TBXAS1: variants seen among roughly 807,000 people sequenced by gnomAD.
TBXAS1 encodes thromboxane-A synthase.
TBXAS1 carries 48 observed loss-of-function variants against 60.7 expected under a neutral mutation model. That is an observed-to-expected ratio of 0.79 (90% CI 0.63 to 1.01). The LOEUF is 1.01. Among genes scored for constraint, TBXAS1 ranks in the 50% least tolerant of loss-of-function variants. TBXAS1 has a pLI of 0.00. For synonymous variants in TBXAS1, 287 were observed against 269.7 expected (o/e 1.06, Z -0.63); for missense variants, 685 against 686.3 (o/e 1.00, Z 0.02).
intron 1 of TBXAS1, among the ~76,000 whole-genome samples, chr7:139,840,668 A>G (rs10271046): frequency 0.063 from 9,525 of 152,180 alleles, 990 homozygotes; most frequent in African/African-American, 0.22. Context: ...AAGACATTCA[A>G]ATTGCCCCTT....
At chr7:140,008,447 C>CTTTTTTTTTTT in intron 10 of TBXAS1, among the ~76,000 whole-genome samples, 1 of 126,058 alleles carries the variant, frequency 7.9e-6, no homozygotes, top group Non-Finnish European at 1.6e-5. Context: ...TTCTTTTATT[C>CTTTTTTTTTTT]TTTTTTTTTT....
chr7:139,789,760 A>G (rs1332855597), intron 4 of TBXAS1: 1 of 151,800 alleles, frequency 6.6e-6, no homozygotes, highest in Non-Finnish European at 1.5e-5. Flanking sequence ...CCTCCCGAGT[A>G]GCTGGGATCA....
intron 10 of TBXAS1, among the ~76,000 whole-genome samples, chr7:140,010,838 T>C (rs1814549626): frequency 6.6e-6 from 1 of 152,236 alleles, no homozygotes; most frequent in African/African-American, 2.4e-5. Context: ...CAGTAATTAC[T>C]GTAATCATTG....
chr7:139,951,328 C>A (rs73158676), intron 5 of TBXAS1, among the ~76,000 whole-genome samples: 3,229 of 151,950 alleles, frequency 0.021, 73 homozygotes, highest in African/African-American at 0.054. Flanking sequence ...GGAAGTGATT[C>A]ATTTACCATA....
chr7:139,978,402 C>T (rs1386691367), intron 9 of TBXAS1, among the ~76,000 whole-genome samples: 4 of 151,244 alleles, frequency 2.6e-5, no homozygotes, highest in Admixed American at 1.3e-4. Context: ...TCCAGCTACT[C>T]GGGAGGCTGA....
At chr7:139,930,219 C>A (rs1807206623) in intron 4 of TBXAS1, among the ~76,000 whole-genome samples, 1 of 152,206 alleles carries the variant, frequency 6.6e-6, no homozygotes, top group African/African-American at 2.4e-5. Flanking sequence ...TAATAACACA[C>A]CTCGCCCCAT....
intron 9 of TBXAS1, among the ~76,000 whole-genome samples, chr7:139,977,436 C>T (rs574478711): frequency 4.6e-5 from 7 of 152,226 alleles, no homozygotes; most frequent in African/African-American, 1.7e-4. Context: ...ATTCAATTAC[C>T]GCCCACCAGT....
intron 5 of TBXAS1, among the ~76,000 whole-genome samples, chr7:139,943,906 C>G (rs1808488390): frequency 6.6e-6 from 1 of 152,076 alleles, no homozygotes; most frequent in South Asian, 2.1e-4. Flanking sequence ...CGTTTAAATA[C>G]CTTCCCCCAC....
chr7:139,781,695 C>A (rs891472498), intron 2 of TBXAS1, among the ~76,000 whole-genome samples: 1 of 151,826 alleles, frequency 6.6e-6, no homozygotes, highest in African/African-American at 2.4e-5. Flanking sequence ...ATTAGCCAGA[C>A]GTGGCGGTGG....
chr7:139,787,082 G>A (rs548317025), intron 3 of TBXAS1, among the ~76,000 whole-genome samples: 8 of 152,172 alleles, frequency 5.3e-5, no homozygotes, highest in Non-Finnish European at 1.2e-4. Flanking sequence ...ATTTCCTTAT[G>A]TGTTTTATCA....
intron 2 of TBXAS1, among the ~76,000 whole-genome samples, chr7:139,875,108 A>AAAC (rs899589405): frequency 6.6e-6 from 1 of 152,224 alleles, no homozygotes; most frequent in East Asian, 1.9e-4. Context: ...AAAACAAACA[A>AAAC]AACAACAACA....
intron 3 of TBXAS1, among the ~76,000 whole-genome samples, chr7:139,905,158 G>A (rs770756723): frequency 6.6e-6 from 1 of 151,222 alleles, no homozygotes; most frequent in Non-Finnish European, 1.5e-5. Context: ...CTATGTTGAA[G>A]AGGAGTGGTG....
chr7:139,978,425 G>A (rs1238352644), intron 9 of TBXAS1, among the ~76,000 whole-genome samples: 1 of 151,606 alleles, frequency 6.6e-6, no homozygotes, highest in African/African-American at 2.4e-5. Context: ...CAGGAGAATT[G>A]CTTGAAACCA....
intron 5 of TBXAS1, among the ~76,000 whole-genome samples, chr7:139,950,588 T>C (rs1259697493): frequency 2.0e-5 from 3 of 152,134 alleles, no homozygotes; most frequent in South Asian, 2.1e-4. Context: ...TCCAGGCCAT[T>C]GTCCCTGCCT....
chr7:139,888,617 G>C (rs1283527309), intron 3 of TBXAS1, among the ~76,000 whole-genome samples: 1 of 152,134 alleles, frequency 6.6e-6, no homozygotes, highest in African/African-American at 2.4e-5. Flanking sequence ...CTGAGTGTGT[G>C]CTCATTGGGA....
At position 139,818,771 on chromosome 7, in the gene TBXAS1, G is replaced by C. The variant is rs574454573; in HGVS notation, c.-79-10541G>C. ...AGAAACCACGTTCTCAGAGGGTCCA[G>C]CTGGGCTGGTGAGATGAATACCACA... On this transcript the variant is annotated intron_variant, in intron 4 of 16. Coordinates refer to the TBXAS1 transcript ENST00000336425. Among the ~76,000 whole-genome samples the C allele has an allele frequency of 2.6e-5, 4 of 152,346 alleles. No individual in the cohort carries two copies. The South Asian group carries it at 8.3e-4, about 32-fold the overall frequency.
chr7:139,970,631 T>C (rs927689287), intron 9 of TBXAS1, among the ~76,000 whole-genome samples: 7 of 152,250 alleles, frequency 4.6e-5, no homozygotes, highest in African/African-American at 1.7e-4. Flanking sequence ...TCCATAATCA[T>C]GATGGCATTC....
chr7:139,920,474 T>C (rs1806374869), intron 4 of TBXAS1, among the ~76,000 whole-genome samples: 1 of 152,194 alleles, frequency 6.6e-6, no homozygotes, highest in Non-Finnish European at 1.5e-5. Flanking sequence ...ATGTCACCCT[T>C]TGATATCCTA....
chr7:139,929,821 C>T (rs1203599117), intron 4 of TBXAS1, among the ~76,000 whole-genome samples: 1 of 152,168 alleles, frequency 6.6e-6, no homozygotes, highest in Admixed American at 6.5e-5. Flanking sequence ...GAGCCTCCAC[C>T]CCCGCTCTCT....
Sources: allele counts gnomAD v4.1 joint callset (sites outside exome capture counted in the v4.1 genomes callset), GRCh38; gene constraint gnomAD v4.1.1; transcripts MANE v1.5; gene names NCBI Gene and HGNC (gene_info 2026-07-23, HGNC 2026-07-21).